Variants in PCNX2 observed in about 807,000 individuals in gnomAD.
PCNX2 encodes pecanex-like protein 2.
A neutral mutation model predicts 223.8 loss-of-function variants in PCNX2; 168 were observed. The ratio of observed to expected loss-of-function variants is 0.75; its 90% CI spans 0.66 to 0.85. The LOEUF (loss-of-function observed/expected upper bound fraction) is 0.85, where lower values mean the gene tolerates loss of function less well. PCNX2 is among the 40% of genes least tolerant of loss of function. The probability of loss-of-function intolerance (pLI) is 0.00; values close to 1 mark genes in which losing one functional copy is unlikely to be tolerated. For synonymous variants in PCNX2, 1,006 were observed against 1,052.6 expected (o/e 0.96, Z 0.86); for missense variants, 2,507 against 2,675.5 (o/e 0.94, Z 1.39).
intron 12 of PCNX2, among the ~76,000 whole-genome samples, chr1:233,214,452 T>C (rs1052710281): frequency 2.0e-5 from 3 of 152,130 alleles, no homozygotes; most frequent in Non-Finnish European, 4.4e-5. Context: ...GCCTCCACCA[T>C]AATGACTTGG....
At position 233,252,642 on chromosome 1, in the gene PCNX2, A is replaced by C. The variant is rs780166440; in HGVS notation, c.1981T>G (p.Phe661Val). 11 of 1,609,364 alleles carry C rather than the reference A, an allele frequency of 6.8e-6. No homozygotes were observed. The highest frequency in any genetic ancestry group is 2.2e-5 in the South Asian group (2 of 89,540). ...CTAAATTAAGTAACTTATCCTTACAAGGCTGTGGTCTTGGCAGGCTGAGTG... is the reference window on the plus strand; with the variant it reads ...CTAAATTAAGTAACTTATCCTTACACGGCTGTGGTCTTGGCAGGCTGAGTG... The part of the protein sequence containing the change: ...ACTQPAKTTA[F>V]FQGNRQRQII... The change falls in exon 6 of 34, where the codon TTT (phenylalanine) becomes GTT (valine). Residue 661 changes from phenylalanine to valine, a missense_variant and splice_region_variant. Physicochemically the swap from Phe to Val is conservative, Grantham distance 50. This residue lies in a region of PCNX2 where 1,031 missense variants were observed against 1,021.7 expected (regional missense o/e 1.01). Coordinates refer to ENST00000258229, the MANE Select transcript of PCNX2 (RefSeq NM_014801.4).
the PCNX2 span, among the ~76,000 whole-genome samples, chr1:233,305,372 TGAATTAGATTGTTTTAA>T: frequency 6.6e-6 from 1 of 152,256 alleles, no homozygotes; most frequent in Admixed American, 6.5e-5. Context: ...AATATTAATC[TGAATTAGATTGTTTTAA>T]GATGCTAATT....
intron 12 of PCNX2, among the ~76,000 whole-genome samples, chr1:233,216,922 T>G (rs1186451795): frequency 6.6e-6 from 1 of 152,166 alleles, no homozygotes; most frequent in Non-Finnish European, 1.5e-5. Flanking sequence ...CACTGATGAA[T>G]CTAGAGGACA....
chr1:233,288,826 T>TA (rs1491506011), intron 1 of PCNX2: 1 of 623,952 alleles, frequency 1.6e-6, no homozygotes, highest in African/African-American at 2.3e-5. Flanking sequence ...TTTTTTTTTT[T>TA]ACTGTGAATA....
intron 19 of PCNX2, among the ~76,000 whole-genome samples, chr1:233,148,236 G>A (rs1016946118): frequency 2.4e-4 from 36 of 152,136 alleles, no homozygotes; most frequent in African/African-American, 8.5e-4. Flanking sequence ...CCAAGGCACG[G>A]TTTTCCTGGT....
intron 25 of PCNX2, among the ~76,000 whole-genome samples, chr1:233,048,814 G>A (rs534034855): frequency 6.6e-6 from 1 of 152,186 alleles, no homozygotes; most frequent in African/African-American, 2.4e-5. Context: ...AATCAAAAAT[G>A]ACAAAGATGA....
chr1:233,179,248 G>T, intron 15 of PCNX2, 73 bp from the exon 16 acceptor site: 1 of 1,464,794 alleles, frequency 6.8e-7, no homozygotes, highest in Non-Finnish European at 9.5e-7. Flanking sequence ...CAGACATTTA[G>T]AAATATCCCC....
intron 25 of PCNX2, chr1:233,031,753 C>T (rs1237043444): frequency 2.0e-6 from 2 of 984,896 alleles, no homozygotes; most frequent in South Asian, 4.7e-5. Flanking sequence ...TTCTGCCAGA[C>T]CTCCTTGCTT....
Position 233,126,392 on chromosome 1 carries a change from A to G in PCNX2, c.3837+8621T>C, listed in dbSNP as rs1203419633. Among the ~76,000 whole-genome samples, 1 of 152,144 alleles carries G rather than the reference A, an allele frequency of 6.6e-6. No homozygotes were observed. Among genetic ancestry groups the G allele is most frequent in the Non-Finnish European group, 1.5e-5 (1 of 68,018 alleles). On this transcript the variant is annotated intron_variant, in intron 21 of 33. Coordinates refer to ENST00000258229, the MANE Select transcript of PCNX2 (RefSeq NM_014801.4). The surrounding 1 kb of genome is among the most constrained non-coding windows in gnomAD (Gnocchi z 4.8). Reference sequence around the variant, plus strand: ...ATTCTCTGCAGGGGTCAAAAGGAAGAGGCAACATGATATGCACTGTCATGG... The same window carrying G: ...ATTCTCTGCAGGGGTCAAAAGGAAGGGGCAACATGATATGCACTGTCATGG...
At position 233,142,791 on chromosome 1, in the gene PCNX2, C is replaced by T. The variant is rs1219332185; in HGVS notation, c.3518-2936G>A. Among the ~76,000 whole-genome samples the T allele has an allele frequency of 5.3e-5, 8 of 152,076 alleles. No individual in the cohort carries two copies. The East Asian group carries it at 7.7e-4, about 15-fold the overall frequency. On this transcript the variant is annotated intron_variant, in intron 19 of 33. Transcript: ENST00000258229. The stretch of plus-strand genomic sequence containing the variant: ...AGTCTCTCTTACTGGACTTTTCTGA[C>T]GCATAAAACATCACTAAATCCTCCC...
intron 16 of PCNX2, among the ~76,000 whole-genome samples, chr1:233,178,240 C>T (rs1433207542): frequency 6.6e-6 from 1 of 152,238 alleles, no homozygotes; most frequent in African/African-American, 2.4e-5. Context: ...ACAATTGACA[C>T]TAAAAATTGT....
upstream of PCNX2, among the ~76,000 whole-genome samples, chr1:233,295,949 CCTTT>C (rs1662085697): frequency 1.4e-5 from 2 of 144,298 alleles, no homozygotes; most frequent in Non-Finnish European, 1.5e-5. The surrounding 1 kb of genome is among the most constrained non-coding windows in gnomAD (Gnocchi z 4.1). Flanking sequence ...TTCCTTCCTT[CCTTT>C]CTCTCTCTCT....
At chr1:233,314,234 A>G in the PCNX2 span, among the ~76,000 whole-genome samples, 42 of 151,558 alleles carry the variant, frequency 2.8e-4, no homozygotes, top group East Asian at 5.6e-3. Flanking sequence ...ATATATTTAG[A>G]GAGAGAGAGA....
chr1:233,318,709 G>T, the PCNX2 span, among the ~76,000 whole-genome samples: 11 of 151,670 alleles, frequency 7.3e-5, no homozygotes, highest in Admixed American at 5.3e-4. Context: ...TGAGATTACA[G>T]GTGTCTGCCA....
At chr1:233,088,163 C>T (rs1381223598) in intron 23 of PCNX2, among the ~76,000 whole-genome samples, 1 of 152,172 alleles carries the variant, frequency 6.6e-6, no homozygotes, top group Non-Finnish European at 1.5e-5. Context: ...GTATGCCTCC[C>T]TCCAATGTCA....
At chr1:233,325,615 G>C in the PCNX2 span, among the ~76,000 whole-genome samples, 3 of 152,102 alleles carry the variant, frequency 2.0e-5, no homozygotes, top group Non-Finnish European at 2.9e-5. Context: ...GGCGGAGCTT[G>C]CATGAGCCGA....
At chr1:233,226,356 G>C (rs956964812) in intron 10 of PCNX2, among the ~76,000 whole-genome samples, 1 of 152,090 alleles carries the variant, frequency 6.6e-6, no homozygotes, top group African/African-American at 2.4e-5. Context: ...TGCAGCCTCC[G>C]CCTCCTGGGT....
chr1:233,263,513 T>C (rs983634567), intron 1 of PCNX2, among the ~76,000 whole-genome samples: 13 of 150,092 alleles, frequency 8.7e-5, no homozygotes, highest in African/African-American at 3.0e-4. Context: ...TTGAGTGCAG[T>C]GGCAAGATCT....
rs1293638099 is a variant in PCNX2, at chr1:233,252,631, T to C, written c.1982+10A>G. The C allele has an allele frequency of 1.0e-5, 16 of 1,605,752 alleles. No individual in the cohort carries two copies. Among genetic ancestry groups the C allele is most frequent in the Middle Eastern group, 3.3e-4 (2 of 6,026 alleles). On this transcript the variant is annotated intron_variant, in intron 6 of 33. Coordinates refer to ENST00000258229, the MANE Select transcript of PCNX2 (RefSeq NM_014801.4). The stretch of plus-strand genomic sequence containing the variant: ...ACCAAGTGAAACTAAATTAAGTAAC[T>C]TATCCTTACAAGGCTGTGGTCTTGG...
Sources: gnomAD v4.1 joint callset for allele counts (sites outside exome capture counted in the v4.1 genomes callset) on GRCh38, gnomAD v4.1.1 for gene constraint, gnomAD v4.1.1 regional missense constraint, Gnocchi (gnomAD v3.1) non-coding constraint, MANE v1.5 for transcripts, NCBI Gene and HGNC (gene_info 2026-07-23, HGNC 2026-07-21) for gene names.